The following MBD5 variants were observed in gnomAD, a reference collection of about 807,000 sequenced individuals.
MBD5 encodes the protein methyl-CpG-binding domain protein 5.
MBD5 carries 13 observed loss-of-function variants against 117.3 expected under a neutral mutation model. The observed-to-expected ratio is 0.11, with a 90% confidence interval of 0.07 to 0.18. The LOEUF is 0.18. Ranked by LOEUF, MBD5 falls within the 10% of genes least tolerant of loss-of-function variation. The probability of loss-of-function intolerance (pLI) is 1.00; values close to 1 mark genes in which losing one functional copy is unlikely to be tolerated. For synonymous variants in MBD5, 727 were observed against 766.4 expected, an observed-to-expected ratio of 0.95 and a Z score of 0.85; for missense variants, 1,879 against 2,093.8, an observed-to-expected ratio of 0.90 and a Z score of 2.00.
At chr2:148,130,781 C>T (rs991510137) in intron 1 of MBD5, among the ~76,000 whole-genome samples, 1 of 152,124 alleles carries the variant, frequency 6.6e-6, no homozygotes, top group Non-Finnish European at 1.5e-5. Context: ...AGCTCTTTCT[C>T]GTGTAGCATA....
intron 8 of MBD5, among the ~76,000 whole-genome samples, chr2:148,476,654 A>AC (rs1417741475): frequency 6.6e-6 from 1 of 152,132 alleles, no homozygotes; most frequent in Non-Finnish European, 1.5e-5. Context: ...TTGATGTTGC[A>AC]CCCCACTAAT....
chr2:148,424,608 T>C (rs931030088), intron 4 of MBD5, among the ~76,000 whole-genome samples: 24 of 152,092 alleles, frequency 1.6e-4, no homozygotes, highest in Admixed American at 1.2e-3. Context: ...ATCACACTTA[T>C]TCTAAAATTA....
chr2:148,023,766 C>CTT (rs560077149), intron 1 of MBD5, among the ~76,000 whole-genome samples: 1 of 144,692 alleles, frequency 6.9e-6, no homozygotes, highest in African/African-American at 2.5e-5. Context: ...TATTTTGTTT[C>CTT]TTTTTTTTTT....
chr2:148,457,980 G>A (rs1706938333), intron 4 of MBD5, among the ~76,000 whole-genome samples: 3 of 152,098 alleles, frequency 2.0e-5, no homozygotes, highest in Admixed American at 6.6e-5. Context: ...TCTGTCTCTA[G>A]TAATTAGAAA....
chr2:148,036,353 C>G (rs1694195412), intron 1 of MBD5, among the ~76,000 whole-genome samples: 1 of 152,084 alleles, frequency 6.6e-6, no homozygotes, highest in Non-Finnish European at 1.5e-5. Flanking sequence ...TGACATTCTC[C>G]TCATTGAGAA....
chr2:148,501,263 A>G (rs1182097549), intron 11 of MBD5, among the ~76,000 whole-genome samples: 1 of 152,222 alleles, frequency 6.6e-6, no homozygotes, highest in East Asian at 1.9e-4. Context: ...TCATGAGTCA[A>G]TGTTGGGGAC....
At chr2:148,281,546 G>A (rs1456878739) in intron 3 of MBD5, among the ~76,000 whole-genome samples, 1 of 151,288 alleles carries the variant, frequency 6.6e-6, no homozygotes, top group Non-Finnish European at 1.5e-5. Context: ...TTTTCTGATT[G>A]CTCGTAAATA....
At chr2:148,280,843 AT>A (rs1237133607) in intron 3 of MBD5, among the ~76,000 whole-genome samples, 3 of 152,308 alleles carry the variant, frequency 2.0e-5, no homozygotes, top group African/African-American at 7.2e-5. Flanking sequence ...CTTAATGGTA[AT>A]TTAGCTAATT....
intron 8 of MBD5, among the ~76,000 whole-genome samples, chr2:148,478,319 T>C (rs1681036731): frequency 6.6e-6 from 1 of 152,182 alleles, no homozygotes; most frequent in African/African-American, 2.4e-5. Context: ...GCACAGTGGC[T>C]CACGCCTGAA....
intron 1 of MBD5, among the ~76,000 whole-genome samples, chr2:148,124,089 G>A (rs1696832130): frequency 6.6e-6 from 1 of 152,048 alleles, no homozygotes; most frequent in African/African-American, 2.4e-5. Flanking sequence ...GATCAGCCTG[G>A]CCAACATGGC....
intron 4 of MBD5, among the ~76,000 whole-genome samples, chr2:148,427,748 C>A (rs543228790): frequency 1.3e-5 from 2 of 151,906 alleles, no homozygotes; most frequent in South Asian, 4.2e-4. Flanking sequence ...ATGTAACAAA[C>A]CTGCACGTTG....
chr2:148,339,788 A>G (rs1233768257), intron 3 of MBD5, among the ~76,000 whole-genome samples: 1 of 152,168 alleles, frequency 6.6e-6, no homozygotes, highest in African/African-American at 2.4e-5. Context: ...ATCCTCAATA[A>G]AAATATATTT....
chr2:148,259,070 C>T (rs1410605369), intron 3 of MBD5, among the ~76,000 whole-genome samples: 2 of 152,184 alleles, frequency 1.3e-5, no homozygotes, highest in Non-Finnish European at 2.9e-5. Flanking sequence ...TCAAACATAG[C>T]CTGCTGCATA....
At chr2:148,447,178 G>GGAA (rs1706570693) in intron 4 of MBD5, among the ~76,000 whole-genome samples, 23 of 137,754 alleles carry the variant, frequency 1.7e-4, no homozygotes, top group African/African-American at 5.9e-4. Context: ...AAAGGAAGAA[G>GGAA]GAAAGAAAGA....
intron 4 of MBD5, among the ~76,000 whole-genome samples, chr2:148,385,359 A>T (rs1704317743): frequency 1.3e-5 from 2 of 152,260 alleles, no homozygotes; most frequent in Admixed American, 1.3e-4. Flanking sequence ...ACATGAAAAA[A>T]TACTCATCAT....
chr2:148,375,514 T>A (rs1197650653), intron 4 of MBD5, among the ~76,000 whole-genome samples: 1 of 152,214 alleles, frequency 6.6e-6, no homozygotes, highest in Non-Finnish European at 1.5e-5. Flanking sequence ...AAGATTTGCA[T>A]CCCCAGTTCG....
chr2:148,229,725 A>G (rs1424256323), intron 2 of MBD5, among the ~76,000 whole-genome samples: 2 of 152,212 alleles, frequency 1.3e-5, no homozygotes, highest in African/African-American at 4.8e-5. Context: ...GGGCACCACA[A>G]GCCTGGTAAT....
intron 4 of MBD5, among the ~76,000 whole-genome samples, chr2:148,417,097 A>G (rs527726440): frequency 3.3e-5 from 5 of 152,208 alleles, no homozygotes; most frequent in African/African-American, 1.2e-4. Context: ...TTCTGTAAAC[A>G]TACATGTGCA....
chr2:148,216,710 G>A (rs770428583), intron 2 of MBD5, among the ~76,000 whole-genome samples: 1 of 152,138 alleles, frequency 6.6e-6, no homozygotes, highest in Non-Finnish European at 1.5e-5. Context: ...CAAGATCAGA[G>A]GTGCTAAGTG....
Sources: allele counts gnomAD v4.1 joint callset (sites outside exome capture counted in the v4.1 genomes callset), GRCh38; gene constraint gnomAD v4.1.1; transcripts MANE v1.5; gene names NCBI Gene and HGNC (gene_info 2026-07-23, HGNC 2026-07-21).